Variants in RUNX1 observed in about 807,000 individuals in gnomAD.
RUNX1 encodes RUNX family transcription factor 1.
A neutral mutation model predicts 42.8 loss-of-function variants in RUNX1; 19 were observed. The observed-to-expected ratio is 0.44, with a 90% CI of 0.31 to 0.65. The LOEUF (loss-of-function observed/expected upper bound fraction) is 0.65. RUNX1 is among the 30% of genes least tolerant of loss of function. The probability of loss-of-function intolerance (pLI) is 0.07; values close to 1 mark genes in which losing one functional copy is unlikely to be tolerated. For synonymous variants in RUNX1, 271 were observed against 289.4 expected (o/e 0.94, Z 0.64); for missense variants, 528 against 672.0 (o/e 0.79, Z 2.37).
At chr21:34,899,132 T>C (rs1412767964) in intron 2 of RUNX1, among the ~76,000 whole-genome samples, 2 of 152,206 alleles carry the variant, frequency 1.3e-5, no homozygotes, top group African/African-American at 4.8e-5. Context: ...CACGCTGGTC[T>C]CGAACTTCTG....
chr21:34,873,669 G>A (rs1351811039), intron 5 of RUNX1, among the ~76,000 whole-genome samples: 9 of 152,178 alleles, frequency 5.9e-5, no homozygotes, highest in Non-Finnish European at 8.8e-5. Context: ...GAGAACGTTC[G>A]GTGATGTCAA....
chr21:34,843,992 G>C lies in RUNX1; in HGVS notation c.614-9391C>G, dbSNP rs1469810722. The stretch of plus-strand genomic sequence containing the variant: ...GAGGCAGTTTCTTAAGAAGGGTGCA[G>C]ACAGCTCCCAAATTCAAGGTTTTTC... On this transcript the variant is annotated intron_variant, in intron 6 of 8. Transcript: ENST00000675419. This position sits in a 1 kb window ranked among gnomAD's most constrained non-coding sequence, Gnocchi z 4.8. Among the ~76,000 whole-genome samples the C allele has an allele frequency of 2.0e-5, 3 of 152,148 alleles. No individual in the cohort carries two copies. The highest frequency in any genetic ancestry group is 7.2e-5 in the African/African-American group (3 of 41,424).
chr21:35,047,597 T>A (rs1005842854), intron 2 of RUNX1, among the ~76,000 whole-genome samples: 1 of 141,586 alleles, frequency 7.1e-6, no homozygotes, highest in East Asian at 2.1e-4. Context: ...TCTCTCTCTC[T>A]CATCAAGTTT....
chr21:34,871,896 C>G (rs143138559), intron 5 of RUNX1, among the ~76,000 whole-genome samples: 2 of 150,810 alleles, frequency 1.3e-5, no homozygotes, highest in African/African-American at 4.9e-5. Context: ...CAGGCTGGAG[C>G]GCAGTGGCAT....
chr21:34,834,096 T>G, intron 7 of RUNX1: 2 of 576,794 alleles, frequency 3.5e-6, no homozygotes, highest in South Asian at 3.4e-5. Context: ...CAAAGCTAAC[T>G]CTTAAAAAAT....
chr21:34,813,578 C>A (rs1176745548), intron 7 of RUNX1, among the ~76,000 whole-genome samples: 2 of 152,092 alleles, frequency 1.3e-5, no homozygotes, highest in African/African-American at 2.4e-5. Context: ...AGTCTCATGG[C>A]CTGGCACCCA....
intron 2 of RUNX1, among the ~76,000 whole-genome samples, chr21:35,034,998 A>G (rs1051454989): frequency 6.6e-6 from 1 of 152,188 alleles, no homozygotes; most frequent in African/African-American, 2.4e-5. Flanking sequence ...TCCAGTGTAC[A>G]AGGATGCATT....
At chr21:35,030,697 C>T (rs1237120082) in intron 2 of RUNX1, among the ~76,000 whole-genome samples, 2 of 151,920 alleles carry the variant, frequency 1.3e-5, no homozygotes, top group Non-Finnish European at 2.9e-5. Flanking sequence ...TCAAAGCATA[C>T]GCAACAAAAG....
chr21:35,044,390 AC>A (rs1199808520), intron 2 of RUNX1, among the ~76,000 whole-genome samples: 2 of 152,138 alleles, frequency 1.3e-5, no homozygotes, highest in East Asian at 3.9e-4. Flanking sequence ...AGATAACTGA[AC>A]ATTGATAGCC....
chr21:34,835,884 C>T (rs1048059409), intron 6 of RUNX1, among the ~76,000 whole-genome samples: 2 of 152,292 alleles, frequency 1.3e-5, no homozygotes, highest in South Asian at 2.1e-4. Flanking sequence ...GAGCAGACCA[C>T]GAGAAGTGCA....
chr21:34,961,172 G>A (rs1229910379), intron 2 of RUNX1, among the ~76,000 whole-genome samples: 3 of 151,968 alleles, frequency 2.0e-5, no homozygotes, highest in Admixed American at 6.6e-5. Context: ...TCAGGAAATC[G>A]AGACCATCCT....
At chr21:34,963,983 A>G (rs1271878600) in intron 2 of RUNX1, among the ~76,000 whole-genome samples, 1 of 152,200 alleles carries the variant, frequency 6.6e-6, no homozygotes, top group Admixed American at 6.5e-5. Context: ...GAAGATTGGG[A>G]TGGCATTCAT....
At chr21:35,039,307 C>T (rs993617463) in intron 2 of RUNX1, among the ~76,000 whole-genome samples, 7 of 152,146 alleles carry the variant, frequency 4.6e-5, no homozygotes, top group African/African-American at 1.7e-4. Flanking sequence ...CTCGTTCGGA[C>T]TCTGGCACCA....
At chr21:34,794,498 ACT>A (rs1166979982) in intron 8 of RUNX1, among the ~76,000 whole-genome samples, 1 of 152,078 alleles carries the variant, frequency 6.6e-6, no homozygotes, top group Non-Finnish European at 1.5e-5. Context: ...TGATTTATCT[ACT>A]CTGTTTTTTG....
intron 6 of RUNX1, among the ~76,000 whole-genome samples, chr21:34,857,372 A>G (rs1385364850): frequency 6.6e-6 from 1 of 152,208 alleles, no homozygotes; most frequent in Non-Finnish European, 1.5e-5. Flanking sequence ...CTGACTGCCA[A>G]TTCTTAAAAG....
At chr21:34,821,553 T>C (rs904021376) in intron 7 of RUNX1, 38 of 1,537,914 alleles carry the variant, frequency 2.5e-5, no homozygotes, top group Non-Finnish European at 2.9e-5. Flanking sequence ...GCCTTCCTCA[T>C]AACGTGCATT....
At position 34,788,028 on chromosome 21, in the gene RUNX1, G is replaced by A. The variant is rs1188552754; in HGVS notation, c.*4107C>T. On this transcript the variant is annotated 3_prime_UTR_variant, in exon 9 of 9. Coordinates refer to ENST00000675419, the MANE Select transcript of RUNX1 (RefSeq NM_001754.5). The stretch of plus-strand genomic sequence containing the variant: ...TGGACAGTGCAGTGCCTGCTCTCCT[G>A]TGCTATCTAGAAACACCTTGGAGAG... 4.3e-6 allele frequency: 1 copy of A among 233,182 alleles called. No homozygotes were observed. The highest frequency in any genetic ancestry group is 2.2e-5 in the African/African-American group (1 of 45,344). The allele number at this position is 233,182 out of a possible 1,614,324, so 14.4% of individuals were successfully genotyped here. A position where few individuals can be genotyped will look rare whatever the true frequency, so the allele number is the denominator to read the frequency against.
chr21:34,948,066 C>T (rs140879604), intron 2 of RUNX1, among the ~76,000 whole-genome samples: 2 of 151,450 alleles, frequency 1.3e-5, no homozygotes, highest in Non-Finnish European at 2.9e-5. Context: ...ACTCCCACCC[C>T]GACATAAATT....
intron 2 of RUNX1, among the ~76,000 whole-genome samples, chr21:35,016,342 T>G (rs2059158941): frequency 6.6e-6 from 1 of 152,196 alleles, no homozygotes; most frequent in African/African-American, 2.4e-5. Flanking sequence ...GCTTCTCTCC[T>G]AAAGAGCACT....
Sources: allele counts gnomAD v4.1 joint callset (sites outside exome capture counted in the v4.1 genomes callset), GRCh38; gene constraint gnomAD v4.1.1; non-coding constraint Gnocchi (gnomAD v3.1); transcripts MANE v1.5; gene names NCBI Gene and HGNC (gene_info 2026-07-23, HGNC 2026-07-21).